The following RPS6KB1 variants were observed in gnomAD, a reference collection of about 807,000 sequenced individuals.
RPS6KB1 encodes the protein ribosomal protein S6 kinase B1, also known as ribosomal protein S6 kinase beta-1.
A neutral mutation model predicts 70.2 loss-of-function variants in RPS6KB1; 12 were observed. That is an observed-to-expected ratio of 0.17 (90% CI 0.11 to 0.28). RPS6KB1 has a LOEUF of 0.28. Ranked by LOEUF, RPS6KB1 falls within the 10% of genes least tolerant of loss-of-function variation. The pLI is 1.00. For synonymous variants in RPS6KB1, 175 were observed against 211.2 expected (o/e 0.83, Z 1.49); for missense variants, 270 against 646.6 (o/e 0.42, Z 6.32).
intron 1 of RPS6KB1, among the ~76,000 whole-genome samples, chr17:59,901,448 C>T (rs1013601184): frequency 8.0e-5 from 12 of 149,682 alleles, no homozygotes; most frequent in African/African-American, 2.4e-4. Flanking sequence ...CGCGCCTGGC[C>T]GAGACTCCAT....
chr17:59,911,981 G>A (rs766504996), intron 2 of RPS6KB1, among the ~76,000 whole-genome samples: 4 of 152,074 alleles, frequency 2.6e-5, no homozygotes, highest in Non-Finnish European at 4.4e-5. Context: ...GGGTAGTTTT[G>A]GAAAGATCCC....
rs527482321 is a variant in RPS6KB1, at chr17:59,946,020, A to C, written c.1340+502A>C. 6.6e-6 allele frequency among the ~76,000 whole-genome samples: 1 copy of C among 152,332 alleles called. No homozygotes were observed. The highest frequency in any genetic ancestry group is 1.9e-4 in the East Asian group (1 of 5,186). ...GGGCTTCTACTCACAGTGATCAGAG[A>C]AAGGCCTCCCTGGTGTAGTAACATC... is the stretch of plus-strand genomic sequence containing the variant. On this transcript the variant is annotated intron_variant, in intron 14 of 14. Coordinates refer to ENST00000225577, the MANE Select transcript of RPS6KB1 (RefSeq NM_003161.4). This position sits in a 1 kb window ranked among gnomAD's most constrained non-coding sequence, Gnocchi z 4.2.
intron 1 of RPS6KB1, among the ~76,000 whole-genome samples, chr17:59,895,096 C>G (rs2041455174): frequency 6.6e-6 from 1 of 151,942 alleles, no homozygotes; most frequent in Non-Finnish European, 1.5e-5. Flanking sequence ...TCTCAGCTCA[C>G]TGCAACCTCT....
intron 4 of RPS6KB1, among the ~76,000 whole-genome samples, chr17:59,916,832 A>G (rs1269742610): frequency 6.6e-6 from 1 of 152,180 alleles, no homozygotes; most frequent in Non-Finnish European, 1.5e-5. Flanking sequence ...GACAAGGTAT[A>G]TAAAGATACA....
At position 59,893,604 on chromosome 17, in the gene RPS6KB1, G is replaced by A. The variant is rs958382734; in HGVS notation, c.141+279G>A. 2.0e-5 allele frequency among the ~76,000 whole-genome samples: 3 copies of A among 152,198 alleles called. No homozygotes were observed. Among genetic ancestry groups the A allele is most frequent in the African/African-American group, 7.2e-5 (3 of 41,458 alleles). ...AACGGGCGCGTGGTCGATTCCTCGA[G>A]CTGTTGGACTTGAGTGTGGCGGGGA... On this transcript the variant is annotated intron_variant, in intron 1 of 14. Transcript: ENST00000225577. The surrounding 1 kb of genome is among the most constrained non-coding windows in gnomAD (Gnocchi z 4.1).
chr17:59,929,281 C>T (rs1568469327), intron 5 of RPS6KB1, among the ~76,000 whole-genome samples: 1 of 152,104 alleles, frequency 6.6e-6, no homozygotes, highest in Non-Finnish European at 1.5e-5. Flanking sequence ...CAGGCATGCA[C>T]CACCACACCC....
At chr17:59,910,992 A>G (rs1336813695) in intron 2 of RPS6KB1, among the ~76,000 whole-genome samples, 1 of 152,134 alleles carries the variant, frequency 6.6e-6, no homozygotes, top group Non-Finnish European at 1.5e-5. Flanking sequence ...ACAGAAATTC[A>G]TGCAATCCGG....
chr17:59,925,558 A>G (rs779792517), intron 4 of RPS6KB1, among the ~76,000 whole-genome samples: 8 of 151,822 alleles, frequency 5.3e-5, no homozygotes, highest in African/African-American at 2.4e-5. Flanking sequence ...CCTCCTAACT[A>G]GTCTCATTTC....
intron 7 of RPS6KB1, among the ~76,000 whole-genome samples, chr17:59,933,504 C>T (rs930437027): frequency 6.6e-6 from 1 of 152,206 alleles, no homozygotes; most frequent in Non-Finnish European, 1.5e-5. Context: ...ACCTCAAATA[C>T]TAGAGTCCCT....
intron 1 of RPS6KB1, chr17:59,907,318 A>G (rs1472537204): frequency 6.6e-6 from 1 of 152,054 alleles, no homozygotes; most frequent in South Asian, 2.1e-4. Context: ...TTGCATTTCT[A>G]TATGAAATTT....
intron 1 of RPS6KB1, chr17:59,907,194 GGT>G: frequency 6.6e-6 from 1 of 152,148 alleles, no homozygotes; most frequent in Non-Finnish European, 1.5e-5. Flanking sequence ...TAGTAGAGGC[GGT>G]GTTTCACCAT....
At position 59,945,527 on chromosome 17, in the gene RPS6KB1, C is replaced by T; in HGVS notation, c.1340+9C>T. 3 of 1,479,154 alleles carry T rather than the reference C, an allele frequency of 2.0e-6. No individual in the cohort carries two copies. In the Admixed American group the frequency reaches 5.0e-5, roughly 25 times the overall value. 91.6% of individuals were successfully genotyped at this position (1,479,154 alleles called of 1,614,324 possible). A position where few individuals can be genotyped will look rare whatever the true frequency, so the allele number is the denominator to read the frequency against. On this transcript the variant is annotated intron_variant, in intron 14 of 14. Transcript: ENST00000225577. ...CCACGAACACCTGTCAGGTATTTCA[C>T]ACTCTTATTTTCACTTTTTTTTGTT...
In RPS6KB1 at chr17:59,947,408, A is replaced by T; in HGVS notation, c.*620A>T. 7.9e-7 allele frequency: 1 copy of T among 1,266,868 alleles called. No homozygotes were observed. 78.5% of individuals were successfully genotyped at this position (1,266,868 alleles called of 1,614,324 possible). A position where few individuals can be genotyped will look rare whatever the true frequency, so the allele number is the denominator to read the frequency against. The stretch of plus-strand genomic sequence containing the variant: ...TTGGTTGGTGTGAAGAAAGCCAGAC[A>T]ACTTCTGTTTCTTCTCTTGGTGAAA... On this transcript the variant is annotated 3_prime_UTR_variant, in exon 15 of 15. Coordinates refer to ENST00000225577, the MANE Select transcript of RPS6KB1 (RefSeq NM_003161.4).
At chr17:59,911,478 A>G (rs913228361) in intron 2 of RPS6KB1, among the ~76,000 whole-genome samples, 4 of 149,940 alleles carry the variant, frequency 2.7e-5, no homozygotes, top group Non-Finnish European at 5.9e-5. Context: ...GTCCTGCCTC[A>G]GCCTCCCAAG....
At chr17:59,941,855 ATTTCT>A (rs2044614479) in intron 13 of RPS6KB1, among the ~76,000 whole-genome samples, 1 of 132,132 alleles carries the variant, frequency 7.6e-6, no homozygotes, top group Non-Finnish European at 1.6e-5. Flanking sequence ...GATGGTCTCG[ATTTCT>A]TTTTTTTTTT....
chr17:59,935,817 C>CT (rs111242778), intron 10 of RPS6KB1, among the ~76,000 whole-genome samples: 7,441 of 145,340 alleles, frequency 0.051, 579 homozygotes, highest in African/African-American at 0.18. Flanking sequence ...CTTTTCTTTT[C>CT]TTTTTTTTCT....
At position 59,935,071 on chromosome 17, in the gene RPS6KB1, T is replaced by C. The variant is rs2044151092; in HGVS notation, c.871-122T>C. ...TTAGCAGTTAGCCCATTTCACAGCA[T>C]ACATTTCTGATCTCCATGTATAACT... On this transcript the variant is annotated intron_variant, in intron 9 of 14. Coordinates refer to ENST00000225577, the MANE Select transcript of RPS6KB1 (RefSeq NM_003161.4). 3 of 614,424 alleles carry C rather than the reference T, an allele frequency of 4.9e-6. No homozygotes were observed. The East Asian group carries it at 8.7e-5, about 18-fold the overall frequency. 38.1% of individuals were successfully genotyped at this position (614,424 alleles called of 1,614,324 possible).
At chr17:59,905,125 C>G (rs1009940954) in intron 1 of RPS6KB1, among the ~76,000 whole-genome samples, 1 of 151,974 alleles carries the variant, frequency 6.6e-6, no homozygotes, top group African/African-American at 2.4e-5. Context: ...CAAAGCAATC[C>G]TCCTACCTCA....
intron 12 of RPS6KB1, among the ~76,000 whole-genome samples, chr17:59,937,050 T>C (rs1465000726): frequency 6.6e-6 from 1 of 152,098 alleles, no homozygotes; most frequent in Non-Finnish European, 1.5e-5. Flanking sequence ...TTTATAGAAA[T>C]AGGGTTTTGC....
Sources: allele counts gnomAD v4.1 joint callset (sites outside exome capture counted in the v4.1 genomes callset), GRCh38; gene constraint gnomAD v4.1.1; non-coding constraint Gnocchi (gnomAD v3.1); transcripts MANE v1.5; gene names NCBI Gene and HGNC (gene_info 2026-07-23, HGNC 2026-07-21).